Variants in CPNE4 observed in about 807,000 individuals in gnomAD.
CPNE4 encodes copine 4, also known as copine-4.
In CPNE4, 25 loss-of-function variants were observed where a neutral mutation model predicts 67.9. The ratio of observed to expected loss-of-function variants is 0.37; its 90% CI spans 0.27 to 0.51. CPNE4 has a LOEUF of 0.51. Ranked by LOEUF, CPNE4 falls within the 20% of genes least tolerant of loss-of-function variation. The pLI, the probability that CPNE4 is intolerant of heterozygous loss-of-function variation, is 0.93. For synonymous variants in CPNE4, 242 were observed against 244.9 expected (o/e 0.99, Z 0.11); for missense variants, 464 against 690.8 (o/e 0.67, Z 3.68).
At chr3:131,921,988 T>C (rs1341698006) in intron 1 of CPNE4, among the ~76,000 whole-genome samples, 1 of 152,154 alleles carries the variant, frequency 6.6e-6, no homozygotes. Flanking sequence ...CCGGGGCATA[T>C]TGTATGATGC....
At chr3:131,942,767 T>C (rs1197121810) in intron 1 of CPNE4, among the ~76,000 whole-genome samples, 1 of 152,112 alleles carries the variant, frequency 6.6e-6, no homozygotes, top group Non-Finnish European at 1.5e-5. Context: ...AAGCAAGGCA[T>C]TGCCATATCC....
At chr3:131,811,193 C>G (rs1001330367) in intron 2 of CPNE4, among the ~76,000 whole-genome samples, 2 of 151,318 alleles carry the variant, frequency 1.3e-5, no homozygotes, top group Non-Finnish European at 3.0e-5. Flanking sequence ...TCTTACCACA[C>G]ACATACACAT....
At chr3:131,900,070 A>C (rs2088492705) in intron 2 of CPNE4, among the ~76,000 whole-genome samples, 1 of 151,946 alleles carries the variant, frequency 6.6e-6, no homozygotes, top group Non-Finnish European at 1.5e-5. Context: ...GGGGAGGGGG[A>C]AGAGAAAATG....
intron 9 of CPNE4, among the ~76,000 whole-genome samples, chr3:131,575,374 T>C (rs545971414): frequency 8.4e-4 from 128 of 152,320 alleles, no homozygotes; most frequent in Non-Finnish European, 1.3e-3. Flanking sequence ...TTATGGTTTA[T>C]GCAAATTTTA....
intron 7 of CPNE4, among the ~76,000 whole-genome samples, chr3:131,595,364 A>C (rs368460387): frequency 6.6e-6 from 1 of 152,236 alleles, no homozygotes; most frequent in Non-Finnish European, 1.5e-5. Flanking sequence ...GTGCATATAC[A>C]TACAATGAAA....
chr3:131,810,352 G>A (rs61568299), intron 2 of CPNE4, among the ~76,000 whole-genome samples: 4,890 of 152,032 alleles, frequency 0.032, 126 homozygotes, highest in African/African-American at 0.076. Flanking sequence ...CAACTCAATA[G>A]CATACACACA....
intron 2 of CPNE4, among the ~76,000 whole-genome samples, chr3:131,854,815 T>C (rs1300986947): frequency 6.6e-6 from 1 of 151,022 alleles, no homozygotes; most frequent in Non-Finnish European, 1.5e-5. Flanking sequence ...TCCTCCTCCT[T>C]CTCTCCCTCC....
chr3:131,653,338 T>G (rs1029787194), intron 7 of CPNE4, among the ~76,000 whole-genome samples: 1 of 151,680 alleles, frequency 6.6e-6, no homozygotes, highest in African/African-American at 2.4e-5. Flanking sequence ...TTAGTACAGA[T>G]GGGGTTTCAC....
At chr3:131,783,270 C>T (rs2083471726) in intron 2 of CPNE4, among the ~76,000 whole-genome samples, 1 of 152,078 alleles carries the variant, frequency 6.6e-6, no homozygotes, top group South Asian at 2.1e-4. Flanking sequence ...ATCTGATCTT[C>T]TCAACCACCC....
chr3:131,646,808 G>C (rs922532760), intron 7 of CPNE4, among the ~76,000 whole-genome samples: 1 of 152,218 alleles, frequency 6.6e-6, no homozygotes, highest in Non-Finnish European at 1.5e-5. Context: ...AAGCATGTCA[G>C]GATGAGGACA....
chr3:131,541,747 T>G (rs1301261855), intron 15 of CPNE4, among the ~76,000 whole-genome samples: 1 of 151,668 alleles, frequency 6.6e-6, no homozygotes, highest in South Asian at 2.1e-4. Flanking sequence ...CTCGGCTCAC[T>G]GCAACCTCCA....
chr3:131,825,878 G>A (rs1371861640), intron 2 of CPNE4, among the ~76,000 whole-genome samples: 1 of 152,156 alleles, frequency 6.6e-6, no homozygotes, highest in East Asian at 1.9e-4. Flanking sequence ...GACAGAGTTG[G>A]AAGTAATTTT....
intron 7 of CPNE4, among the ~76,000 whole-genome samples, chr3:131,637,550 T>C (rs1359667092): frequency 1.3e-5 from 2 of 152,216 alleles, no homozygotes; most frequent in Non-Finnish European, 2.9e-5. Flanking sequence ...CTATGTTAAA[T>C]GTCCAAACCT....
intron 1 of CPNE4, among the ~76,000 whole-genome samples, chr3:131,961,143 G>C (rs1420979465): frequency 6.6e-6 from 1 of 152,174 alleles, no homozygotes; most frequent in Non-Finnish European, 1.5e-5. Context: ...TTCTCCACGT[G>C]AACATACTTT....
At chr3:131,569,349 C>T (rs573328082) in intron 10 of CPNE4, among the ~76,000 whole-genome samples, 1 of 152,040 alleles carries the variant, frequency 6.6e-6, no homozygotes, top group Non-Finnish European at 1.5e-5. Context: ...AAAAGATTTC[C>T]TGAGACTGGG....
intron 2 of CPNE4, among the ~76,000 whole-genome samples, chr3:131,859,323 A>G (rs949201084): frequency 6.6e-6 from 1 of 152,148 alleles, no homozygotes; most frequent in Non-Finnish European, 1.5e-5. Context: ...TGGGCTCCTT[A>G]TCTTGTTCTT....
At chr3:131,746,582 G>T (rs1436865090) in intron 2 of CPNE4, among the ~76,000 whole-genome samples, 1 of 152,118 alleles carries the variant, frequency 6.6e-6, no homozygotes, top group Non-Finnish European at 1.5e-5. Flanking sequence ...TTCCATCCAT[G>T]TTGTCACAAA....
chr3:131,552,603 A>G, intron 12 of CPNE4, 112 bp from the exon 13 acceptor site: 1 of 766,558 alleles, frequency 1.3e-6, no homozygotes, highest in Non-Finnish European at 2.2e-6. Context: ...TATATTCATT[A>G]TGTGTTAAGC....
intron 15 of CPNE4, among the ~76,000 whole-genome samples, chr3:131,538,448 C>T (rs556366941): frequency 6.6e-6 from 1 of 152,244 alleles, no homozygotes; most frequent in South Asian, 2.1e-4. Flanking sequence ...GGGAAAGGGT[C>T]AAGAATATGA....
Sources: gnomAD v4.1 joint callset for allele counts (sites outside exome capture counted in the v4.1 genomes callset) on GRCh38, gnomAD v4.1.1 for gene constraint, MANE v1.5 for transcripts, NCBI Gene and HGNC (gene_info 2026-07-23, HGNC 2026-07-21) for gene names.